Variants in WDPCP observed in about 807,000 individuals in gnomAD.
WDPCP encodes the protein WD repeat-containing and planar cell polarity effector protein fritz homolog.
In WDPCP, 71 loss-of-function variants were observed where a neutral mutation model predicts 93.1. That is an observed-to-expected ratio of 0.76 (90% confidence interval 0.63 to 0.93). The LOEUF (loss-of-function observed/expected upper bound fraction) is 0.93. Ranked by LOEUF, WDPCP falls within the 40% of genes least tolerant of loss-of-function variation. The probability of loss-of-function intolerance (pLI) is 0.00; values close to 1 mark genes in which losing one functional copy is unlikely to be tolerated. For missense variants in WDPCP, 844 were observed against 887.4 expected, an observed-to-expected ratio of 0.95 and a Z score of 0.62; for synonymous variants, 315 against 315.0, an observed-to-expected ratio of 1.00 and a Z score of 0.00.
chr2:63,183,125 A>G (rs773857357), intron 14 of WDPCP, among the ~76,000 whole-genome samples: 17 of 151,256 alleles, frequency 1.1e-4, no homozygotes, highest in Non-Finnish European at 2.1e-4. Flanking sequence ...TCTTTTGTTC[A>G]CAATTTCATT....
intron 14 of WDPCP, among the ~76,000 whole-genome samples, chr2:63,244,205 T>C (rs569754326): frequency 1.2e-3 from 188 of 152,280 alleles, no homozygotes; most frequent in African/African-American, 4.2e-3. Context: ...CCGAAATCTC[T>C]GGGTGCAGTA....
rs1002563623 is a variant in WDPCP, at chr2:63,813,023, A to T, written n.308+599T>A. Among the ~76,000 whole-genome samples the T allele has an allele frequency of 4.1e-5, 6 of 147,802 alleles. No individual in the cohort carries two copies. The South Asian group carries it at 6.4e-4, about 16-fold the overall frequency. ...ACATAACACCACACTCAGCTAATTT[A>T]AAAAAAAAAATTGTAGATATGAGGT... On this transcript the variant is annotated intron_variant and non_coding_transcript_variant, in intron 2 of 4. Transcript: ENST00000467687.
Position 63,404,375 on chromosome 2 carries a change from C to G in WDPCP, c.1108G>C (p.Val370Leu), listed in dbSNP as rs1201601063. Residue 370 changes from valine to leucine, a missense_variant, in exon 10 of 18, where the codon GTG (valine) becomes CTG (leucine). Coordinates refer to ENST00000272321, the MANE Select transcript of WDPCP (RefSeq NM_015910.7). ...AGTTCAGTCTGTGCTAAGAGAGTCA[C>G]TCTACGGTGAGTTTCATAAAGAATT... ...SLILYETHRR[V>L]TLLAQTELLP... is the part of the protein sequence containing the mutation. The G allele has an allele frequency of 2.5e-6, 4 of 1,614,078 alleles. No individual in the cohort carries two copies. The Admixed American group carries it at 6.7e-5, about 27-fold the overall frequency.
chr2:63,266,193 T>C (rs1344706535), intron 13 of WDPCP, among the ~76,000 whole-genome samples: 1 of 152,144 alleles, frequency 6.6e-6, no homozygotes, highest in Non-Finnish European at 1.5e-5. Flanking sequence ...AAAGTATCCT[T>C]ATAGGAAAGG....
intron 2 of WDPCP, among the ~76,000 whole-genome samples, chr2:63,778,515 C>T (rs1670339387): frequency 6.6e-6 from 1 of 152,006 alleles, no homozygotes; most frequent in Non-Finnish European, 1.5e-5. Context: ...CCTCCCTTGT[C>T]CACTTGTTGA....
intron 2 of WDPCP, among the ~76,000 whole-genome samples, chr2:63,813,456 C>G (rs1294748226): frequency 6.6e-6 from 1 of 152,196 alleles, no homozygotes; most frequent in Non-Finnish European, 1.5e-5. Context: ...CACAACCTGA[C>G]AGCAAGCTGC....
intron 12 of WDPCP, among the ~76,000 whole-genome samples, chr2:63,330,039 C>T (rs992939184): frequency 2.0e-5 from 3 of 152,132 alleles, no homozygotes; most frequent in African/African-American, 7.2e-5. Flanking sequence ...GTGAATAATG[C>T]TGCAATGAGC....
At position 63,410,659 on chromosome 2, in the gene WDPCP, T is replaced by G; in HGVS notation, c.826-6002A>C. 1.3e-5 allele frequency among the ~76,000 whole-genome samples: 2 copies of G among 152,070 alleles called. 1 individual carries two copies. The highest frequency in any genetic ancestry group is 2.9e-5 in the Non-Finnish European group (2 of 68,012). ...GCCTTCAGGAGACTCACTTAACACA[T>G]AAGGACTCACATAAACTTCAAGTAA... On this transcript the variant is annotated intron_variant, in intron 9 of 17. Transcript: ENST00000272321.
chr2:63,722,694 G>A (rs1259201649), intron 2 of WDPCP, among the ~76,000 whole-genome samples: 4 of 139,940 alleles, frequency 2.9e-5, no homozygotes, highest in Non-Finnish European at 4.7e-5. Context: ...CAGCCGCCCC[G>A]TCCGGGAGGT....
At chr2:63,480,164 A>G (rs1470729055) in intron 6 of WDPCP, among the ~76,000 whole-genome samples, 2 of 151,884 alleles carry the variant, frequency 1.3e-5, no homozygotes, top group Non-Finnish European at 2.9e-5. Context: ...AAATATTTAG[A>G]TATATACCTA....
intron 14 of WDPCP, among the ~76,000 whole-genome samples, chr2:63,183,738 C>A (rs1339221264): frequency 6.6e-6 from 1 of 152,038 alleles, no homozygotes; most frequent in African/African-American, 2.4e-5. Flanking sequence ...AAGTCTCCCA[C>A]CATTATTATA....
At chr2:63,230,660 T>C (rs1044450999) in intron 14 of WDPCP, among the ~76,000 whole-genome samples, 6 of 152,186 alleles carry the variant, frequency 3.9e-5, no homozygotes, top group African/African-American at 1.4e-4. Flanking sequence ...CTCATTGTGG[T>C]TTTGATTTGC....
At chr2:63,384,699 C>A (rs879286582) in intron 10 of WDPCP, among the ~76,000 whole-genome samples, 3 of 150,024 alleles carry the variant, frequency 2.0e-5, no homozygotes, top group Non-Finnish European at 4.4e-5. Context: ...CCAACCTGGG[C>A]AAGACAGCAA....
chr2:63,344,414 C>T (rs1689052735), intron 12 of WDPCP, among the ~76,000 whole-genome samples: 1 of 152,160 alleles, frequency 6.6e-6, no homozygotes, highest in South Asian at 2.1e-4. Flanking sequence ...TCTGCCTTAC[C>T]ATTTCTTTCT....
At chr2:63,667,551 C>T (rs563038038) in intron 2 of WDPCP, among the ~76,000 whole-genome samples, 4 of 152,318 alleles carry the variant, frequency 2.6e-5, no homozygotes, top group African/African-American at 9.6e-5. Flanking sequence ...ATATTACGCA[C>T]ATTCAAAAGC....
chr2:63,779,371 G>A (rs1227606427), intron 2 of WDPCP, among the ~76,000 whole-genome samples: 1 of 152,138 alleles, frequency 6.6e-6, no homozygotes, highest in Admixed American at 6.6e-5. Context: ...AGAGACTCAG[G>A]GAACAACAGA....
intron 1 of WDPCP, among the ~76,000 whole-genome samples, chr2:63,561,200 C>T (rs903103456): frequency 7.2e-5 from 11 of 152,156 alleles, no homozygotes; most frequent in African/African-American, 2.7e-4. Flanking sequence ...AGTTGCAGGC[C>T]AGGCACGGTG....
At chr2:63,228,297 T>C (rs1045871646) in intron 14 of WDPCP, 1 of 151,754 alleles carries the variant, frequency 6.6e-6, no homozygotes, top group Non-Finnish European at 1.5e-5. Context: ...TCCTTACACC[T>C]AACTATAATC....
intron 6 of WDPCP, among the ~76,000 whole-genome samples, chr2:63,451,892 C>A (rs937917661): frequency 6.6e-6 from 1 of 152,128 alleles, no homozygotes; most frequent in African/African-American, 2.4e-5. Flanking sequence ...CAAAAGTCAA[C>A]GCTTCATGCT....
Sources: allele counts gnomAD v4.1 joint callset (sites outside exome capture counted in the v4.1 genomes callset), GRCh38; gene constraint gnomAD v4.1.1; transcripts MANE v1.5; gene names NCBI Gene and HGNC (gene_info 2026-07-23, HGNC 2026-07-21).